Variants in ASCC3 observed in about 807,000 individuals in gnomAD.
ASCC3 encodes activating signal cointegrator 1 complex subunit 3.
ASCC3 carries 158 observed loss-of-function variants against 256.3 expected under a neutral mutation model. The ratio of observed to expected loss-of-function variants is 0.62; its 90% CI spans 0.54 to 0.70. The LOEUF (loss-of-function observed/expected upper bound fraction) is 0.70, where lower values mean the gene tolerates loss of function less well. Among genes scored for constraint, ASCC3 ranks in the 30% least tolerant of loss-of-function variants. The pLI, the probability that ASCC3 is intolerant of heterozygous loss-of-function variation, is 0.00. For missense variants in ASCC3, 2,259 were observed against 2,626.0 expected (o/e 0.86, Z 3.05); for synonymous variants, 948 against 883.4 (o/e 1.07, Z -1.30).
At chr6:100,787,029 C>A (rs1272679993) in intron 8 of ASCC3, among the ~76,000 whole-genome samples, 1 of 151,930 alleles carries the variant, frequency 6.6e-6, no homozygotes, top group Non-Finnish European at 1.5e-5. Context: ...GCAGACAGAC[C>A]CTAAGGTAAG....
intron 8 of ASCC3, among the ~76,000 whole-genome samples, chr6:100,776,272 TGA>T (rs763549370): frequency 3.1e-4 from 47 of 152,236 alleles, no homozygotes; most frequent in Middle Eastern, 3.4e-3. Context: ...AACAGAAAAC[TGA>T]GAGTCTCATG....
chr6:100,628,013 T>A (rs750251682), intron 27 of ASCC3, 26 bp from the exon 28 acceptor site: 12 of 1,610,098 alleles, frequency 7.5e-6, no homozygotes, highest in Non-Finnish European at 1.0e-5. Flanking sequence ...AAATCAATGT[T>A]AATCATTTAA....
intron 10 of ASCC3, among the ~76,000 whole-genome samples, chr6:100,753,318 A>AAACATTTATTTTTG (rs1781028019): frequency 6.6e-6 from 1 of 151,430 alleles, no homozygotes; most frequent in African/African-American, 2.4e-5. Flanking sequence ...AACAAAACAA[A>AAACATTTATTTTTG]ACATTTATTT....
intron 4 of ASCC3, among the ~76,000 whole-genome samples, chr6:100,834,373 T>C (rs1771775399): frequency 1.3e-5 from 2 of 152,226 alleles, no homozygotes; most frequent in African/African-American, 4.8e-5. Flanking sequence ...CCACTGTCAT[T>C]GTGAAAGAAG....
intron 34 of ASCC3, among the ~76,000 whole-genome samples, chr6:100,597,639 C>T (rs1039347651): frequency 1.3e-5 from 2 of 151,578 alleles, no homozygotes; most frequent in Non-Finnish European, 2.9e-5. Context: ...GTATTGGTGG[C>T]TACTGAAGGA....
At chr6:100,649,845 A>ATCTT (rs1775569300) in intron 20 of ASCC3, among the ~76,000 whole-genome samples, 1 of 151,728 alleles carries the variant, frequency 6.6e-6, no homozygotes, top group African/African-American at 2.4e-5. Flanking sequence ...TAGAAGGGAA[A>ATCTT]TCTTTCATTT....
At chr6:100,799,808 T>C (rs1769823045) in intron 6 of ASCC3, among the ~76,000 whole-genome samples, 1 of 152,128 alleles carries the variant, frequency 6.6e-6, no homozygotes, top group African/African-American at 2.4e-5. Context: ...GATTTAATGT[T>C]CTTTCCAATT....
chr6:100,867,408 T>C (rs1372976573), intron 2 of ASCC3, among the ~76,000 whole-genome samples: 1 of 152,204 alleles, frequency 6.6e-6, no homozygotes, highest in East Asian at 1.9e-4. Flanking sequence ...ATAACAATGT[T>C]TCTTAAGTCT....
intron 4 of ASCC3, among the ~76,000 whole-genome samples, chr6:100,816,297 T>C (rs539427207): frequency 2.0e-5 from 3 of 152,268 alleles, no homozygotes; most frequent in African/African-American, 7.2e-5. Flanking sequence ...GGCACACTTA[T>C]ACACTGCTGG....
intron 16 of ASCC3, among the ~76,000 whole-genome samples, chr6:100,656,279 C>T (rs1775911442): frequency 1.3e-5 from 2 of 151,596 alleles, no homozygotes; most frequent in African/African-American, 4.8e-5. Flanking sequence ...TCACCAAAAC[C>T]ACAGAGGGGA....
intron 34 of ASCC3, among the ~76,000 whole-genome samples, chr6:100,595,828 C>G (rs970247630): frequency 2.6e-5 from 4 of 152,116 alleles, no homozygotes; most frequent in African/African-American, 7.2e-5. Flanking sequence ...ATAGTAGACA[C>G]CCAATAAATA....
chr6:100,526,337 C>G (rs1375273965), intron 37 of ASCC3, among the ~76,000 whole-genome samples: 1 of 152,174 alleles, frequency 6.6e-6, no homozygotes, highest in Non-Finnish European at 1.5e-5. Flanking sequence ...TCATTTCCTA[C>G]AGCCCCAACC....
intron 3 of ASCC3, among the ~76,000 whole-genome samples, chr6:100,854,697 T>C (rs1325542596): frequency 1.3e-5 from 2 of 152,162 alleles, no homozygotes; most frequent in African/African-American, 2.4e-5. Flanking sequence ...TTTCCAGTAG[T>C]ATAAAATCCT....
rs1255702918 is a variant in ASCC3 at position 100,627,698 on chromosome 6, T to C, written c.4534A>G (p.Asn1512Asp). 2 of 1,613,602 alleles carry C rather than the reference T, an allele frequency of 1.2e-6. No homozygotes were observed. The highest frequency in any genetic ancestry group is 1.3e-5 in the African/African-American group (1 of 75,028). Residue 1512 changes from asparagine (N) to aspartate (D), a missense_variant, in exon 29 of 42, where the codon AAC becomes GAC. Physicochemically the swap from Asn to Asp is conservative, Grantham distance 23 (BLOSUM62 1). Around this residue, in one of 2 missense-constraint regions of ASCC3, gnomAD observed 1,839 missense variants for 2,206.7 expected, o/e 0.83. Transcript: ENST00000369162. ...WLNIKQMGLF[N>D]FRPSVRPVPL... Reference sequence around the variant, plus strand: ...ACTGGGCGTACTGATGGTCGGAAGTTAAACAAGCCCATCTAGAGTAAATAT... The same window carrying C: ...ACTGGGCGTACTGATGGTCGGAAGTCAAACAAGCCCATCTAGAGTAAATAT...
chr6:100,851,987 C>A (rs1356930113), intron 3 of ASCC3, among the ~76,000 whole-genome samples: 1 of 152,186 alleles, frequency 6.6e-6, no homozygotes, highest in East Asian at 1.9e-4. Flanking sequence ...TGCTTTCCAG[C>A]ACACTGTCCG....
At chr6:100,532,524 T>G (rs536439917) in intron 37 of ASCC3, among the ~76,000 whole-genome samples, 1 of 151,476 alleles carries the variant, frequency 6.6e-6, no homozygotes, top group African/African-American at 2.4e-5. Context: ...TTCTTAAACA[T>G]TGCCGTAAGG....
chr6:100,536,282 G>A (rs1277689670), intron 37 of ASCC3, among the ~76,000 whole-genome samples: 1 of 152,166 alleles, frequency 6.6e-6, no homozygotes, highest in Admixed American at 6.5e-5. Context: ...GGAAGACTAA[G>A]TGAACCCTTT....
chr6:100,560,453 C>T (rs936101131), intron 36 of ASCC3, among the ~76,000 whole-genome samples: 1 of 151,964 alleles, frequency 6.6e-6, no homozygotes, highest in Non-Finnish European at 1.5e-5. Context: ...ATCTGCCACC[C>T]GTGCCCTGAG....
chr6:100,758,254 ATTTTAC>A (rs1371088282), intron 10 of ASCC3, among the ~76,000 whole-genome samples: 1 of 152,108 alleles, frequency 6.6e-6, no homozygotes, highest in Non-Finnish European at 1.5e-5. Flanking sequence ...CTTTATTTGT[ATTTTAC>A]TTTAAGTTCA....
Sources: gnomAD v4.1 joint callset for allele counts (sites outside exome capture counted in the v4.1 genomes callset) on GRCh38, gnomAD v4.1.1 for gene constraint, gnomAD v4.1.1 regional missense constraint, MANE v1.5 for transcripts, NCBI Gene and HGNC (gene_info 2026-07-23, HGNC 2026-07-21) for gene names.